LIMK1: variants seen among roughly 807,000 people sequenced by gnomAD.
The protein encoded by LIMK1 is LIM motif-containing protein kinase.
LIMK1 carries 21 observed loss-of-function variants against 77.6 expected under a neutral mutation model. The observed-to-expected ratio is 0.27, with a 90% CI of 0.19 to 0.39. The LOEUF is 0.39. LIMK1 is among the 10% of genes least tolerant of loss of function. LIMK1 has a pLI of 1.00. For synonymous variants in LIMK1, 358 were observed against 370.0 expected (o/e 0.97, Z 0.37); for missense variants, 696 against 901.6 (o/e 0.77, Z 2.92).
intron 2 of LIMK1, among the ~76,000 whole-genome samples, chr7:74,090,581 C>T (rs535534852): frequency 1.3e-5 from 2 of 152,258 alleles, no homozygotes; most frequent in African/African-American, 2.4e-5. Flanking sequence ...GTGGGATGCC[C>T]AAGGTGCTAG....
intron 2 of LIMK1, among the ~76,000 whole-genome samples, chr7:74,091,816 G>A (rs1449335175): frequency 6.6e-6 from 1 of 152,154 alleles, no homozygotes; most frequent in African/African-American, 2.4e-5. Context: ...GGTAGGGCCG[G>A]TGCATGTGCA....
At chr7:74,104,753 C>G (rs1799533094) in intron 5 of LIMK1, among the ~76,000 whole-genome samples, 1 of 152,172 alleles carries the variant, frequency 6.6e-6, no homozygotes, top group South Asian at 2.1e-4. Context: ...GTCTCTTTCC[C>G]GTCTTCACCC....
chr7:74,093,294 G>C, intron 2 of LIMK1: 1 of 1,535,964 alleles, frequency 6.5e-7, no homozygotes, highest in Admixed American at 2.0e-5. Context: ...TCCTCCAGAG[G>C]GCTAAGTAAG....
intron 12 of LIMK1, among the ~76,000 whole-genome samples, chr7:74,113,616 C>T (rs1404939476): frequency 3.3e-5 from 5 of 151,282 alleles, no homozygotes; most frequent in African/African-American, 9.7e-5. Flanking sequence ...TAGAGTCAGA[C>T]ACCGTCTCAA....
rs782736041 is a variant in LIMK1 at position 74,121,498 on chromosome 7, GCA to G, written c.*207_*208del. ...GCCGTGGCCCAGAGCCGGCCCAGCT[GCA>G]CACACACACCATGCTCTCGCCCTGC... On this transcript the variant is annotated 3_prime_UTR_variant, in exon 16 of 16. Transcript: ENST00000336180. 1.0e-5 allele frequency: 6 copies of G among 580,810 alleles called. No individual in the cohort carries two copies. The highest frequency in any genetic ancestry group is 7.0e-5 in the South Asian group (3 of 42,818). The allele number at this position is 580,810 out of a possible 1,614,324, so 36.0% of individuals were successfully genotyped here. A position where few individuals can be genotyped will look rare whatever the true frequency, so the allele number is the denominator to read the frequency against.
chr7:74,110,401 C>G (rs1024654536), intron 10 of LIMK1: 4 of 152,200 alleles, frequency 2.6e-5, no homozygotes, highest in Non-Finnish European at 4.4e-5. Context: ...GATTTGAGCC[C>G]AAAGCCCCGT....
intron 10 of LIMK1, chr7:74,111,443 A>G (rs1799696681): frequency 3.5e-6 from 2 of 568,632 alleles, no homozygotes; most frequent in Non-Finnish European, 3.1e-6. Context: ...ATCTAAAGAA[A>G]AAAAAAAAAG....
intron 13 of LIMK1, among the ~76,000 whole-genome samples, chr7:74,118,623 G>A (rs1260696454): frequency 3.3e-5 from 5 of 151,482 alleles, no homozygotes; most frequent in African/African-American, 7.3e-5. Flanking sequence ...GGTTTCGGGC[G>A]CCCGTAATCC....
Position 74,099,139 on chromosome 7 carries a change from C to T in LIMK1, c.509C>T (p.Ala170Val). ...PHTVTLVSIPASSHGKRGLSV... is the reference protein window; with the variant it reads ...PHTVTLVSIPVSSHGKRGLSV... ...ACCGTCACCCTGGTGTCCATCCCAG[C>T]CTCATCTCATGGCAAGCGTGGACTT... The change falls in exon 5 of 16, where the codon GCC becomes GTC. Residue 170 changes from alanine to valine, a missense_variant. Physicochemically the swap from Ala to Val is moderately conservative, Grantham distance 64 (BLOSUM62 0). Transcript: ENST00000336180. 1 of 1,613,792 alleles carries T rather than the reference C, an allele frequency of 6.2e-7. No individual in the cohort carries two copies. The highest frequency in any genetic ancestry group is 8.5e-7 in the Non-Finnish European group (1 of 1,180,024).
At chr7:74,105,276 A>T (rs1477426455) in intron 5 of LIMK1, among the ~76,000 whole-genome samples, 1 of 152,126 alleles carries the variant, frequency 6.6e-6, no homozygotes, top group African/African-American at 2.4e-5. Flanking sequence ...TTGGGAGGCT[A>T]AGGCGGGCGG....
At chr7:74,088,411 A>G (rs1554694326) in intron 2 of LIMK1, among the ~76,000 whole-genome samples, 1 of 152,158 alleles carries the variant, frequency 6.6e-6, no homozygotes, top group Non-Finnish European at 1.5e-5. Flanking sequence ...GGGAACAGGA[A>G]CAGTTCCCTT....
intron 10 of LIMK1, chr7:74,109,254 G>A (rs930837690): frequency 1.8e-4 from 89 of 502,906 alleles, no homozygotes; most frequent in Middle Eastern, 1.4e-3. Context: ...TGGCACTTTG[G>A]GAGCCCAAGG....
intron 2 of LIMK1, among the ~76,000 whole-genome samples, chr7:74,095,053 C>G (rs1192498618): frequency 5.9e-5 from 9 of 152,220 alleles, no homozygotes; most frequent in Non-Finnish European, 1.3e-4. Context: ...AACTCCCCTC[C>G]TCAACCCCAG....
chr7:74,098,954 G>T, intron 4 of LIMK1, 78 bp from the exon 5 acceptor site: 1 of 1,183,976 alleles, frequency 8.4e-7, no homozygotes, highest in Non-Finnish European at 1.2e-6. Context: ...GGAAGAGCCT[G>T]GGGCTGGGGG....
chr7:74,095,323 T>G (rs1355928193), intron 2 of LIMK1, among the ~76,000 whole-genome samples: 1 of 152,174 alleles, frequency 6.6e-6, no homozygotes, highest in Admixed American at 6.5e-5. Flanking sequence ...TGTGTGGGTC[T>G]GTACCCTGAC....
chr7:74,100,131 T>G (rs968158910), intron 5 of LIMK1, among the ~76,000 whole-genome samples: 7 of 152,058 alleles, frequency 4.6e-5, no homozygotes, highest in Admixed American at 6.6e-5. Flanking sequence ...TCACAGCTAC[T>G]TGGGAGGCTG....
chr7:74,098,241 A>T (rs912772597), intron 4 of LIMK1, among the ~76,000 whole-genome samples: 2 of 152,208 alleles, frequency 1.3e-5, no homozygotes, highest in Non-Finnish European at 2.9e-5. Flanking sequence ...GTATCAACTC[A>T]GGAATAGTCT....
chr7:74,100,251 G>A (rs577819021), intron 5 of LIMK1, among the ~76,000 whole-genome samples: 1 of 152,142 alleles, frequency 6.6e-6, no homozygotes, highest in Non-Finnish European at 1.5e-5. Context: ...AAATGGGGCA[G>A]GGCTGATAAA....
intron 5 of LIMK1, among the ~76,000 whole-genome samples, chr7:74,102,454 T>C (rs889472740): frequency 4.8e-5 from 7 of 146,236 alleles, no homozygotes; most frequent in Admixed American, 1.4e-4. Flanking sequence ...CCCACAATTA[T>C]GCTAGATATT....
Sources: allele counts gnomAD v4.1 joint callset (sites outside exome capture counted in the v4.1 genomes callset), GRCh38; gene constraint gnomAD v4.1.1; transcripts MANE v1.5; gene names NCBI Gene and HGNC (gene_info 2026-07-23, HGNC 2026-07-21).